USP39: variants seen among roughly 807,000 people sequenced by gnomAD.
USP39 encodes the protein ubiquitin carboxyl-terminal hydrolase 39.
USP39 carries 38 observed loss-of-function variants against 66.4 expected under a neutral mutation model. The observed-to-expected ratio is 0.57, with a 90% CI of 0.44 to 0.75. USP39 has a LOEUF of 0.75. USP39 is among the 30% of genes least tolerant of loss of function. The probability of loss-of-function intolerance (pLI) is 0.00; values close to 1 mark genes in which losing one functional copy is unlikely to be tolerated. For synonymous variants in USP39, 303 were observed against 274.6 expected (o/e 1.10, Z -1.02); for missense variants, 608 against 714.4 (o/e 0.85, Z 1.70).
At chr2:85,613,443 C>T (rs1055306748), upstream of USP39, among the ~76,000 whole-genome samples, 8 of 152,012 alleles carry the variant, frequency 5.3e-5, no homozygotes, top group East Asian at 1.9e-4. Context: ...ACCCGGGAGG[C>T]GGAGGTTGCA....
At chr2:85,604,333 C>G (rs976702470) in intron 1 of USP39, among the ~76,000 whole-genome samples, 1 of 152,200 alleles carries the variant, frequency 6.6e-6, no homozygotes, top group South Asian at 2.1e-4. Flanking sequence ...CCTCAGCCTC[C>G]CGAGTAGCTG....
At chr2:85,637,487 C>T (rs757434145) in intron 8 of USP39, 51 bp downstream of exon 8, 5 of 1,584,764 alleles carry the variant, frequency 3.2e-6, no homozygotes, top group South Asian at 2.2e-5. Flanking sequence ...CTTGAGGGGA[C>T]GTAGGGGAGA....
intron 1 of USP39, among the ~76,000 whole-genome samples, chr2:85,617,567 G>T (rs534354100): frequency 6.6e-6 from 1 of 152,270 alleles, no homozygotes; most frequent in Non-Finnish European, 1.5e-5. Context: ...AGGGTGTGGT[G>T]GCTCACACCT....
intron 5 of USP39, among the ~76,000 whole-genome samples, chr2:85,626,446 A>G (rs1674869471): frequency 6.6e-6 from 1 of 152,196 alleles, no homozygotes; most frequent in African/African-American, 2.4e-5. Context: ...TACTTGAGTA[A>G]TTGTTCTGCA....
rs1193820501 is a variant in USP39, at chr2:85,619,217, C to T, written c.269-3C>T. 5 of 1,613,804 alleles carry T rather than the reference C, an allele frequency of 3.1e-6. No homozygotes were observed. Among genetic ancestry groups the T allele is most frequent in the Non-Finnish European group, 4.2e-6 (5 of 1,179,942 alleles). ...TCAAAGCCTGTGATGATTTTCCTTT[C>T]AGCAAAGAATGGCCGAGTGGATTCT... On this transcript the variant is annotated splice_region_variant and splice_polypyrimidine_tract_variant and intron_variant, in intron 1 of 12. Transcript: ENST00000323701.
intron 1 of USP39, among the ~76,000 whole-genome samples, chr2:85,604,797 A>G (rs377490290): frequency 1.2e-4 from 18 of 152,302 alleles, no homozygotes; most frequent in African/African-American, 2.2e-4. Flanking sequence ...TCTTAACACT[A>G]TATCTTCTTG....
chr2:85,626,422 C>T (rs1674866992), intron 5 of USP39, among the ~76,000 whole-genome samples: 1 of 152,198 alleles, frequency 6.6e-6, no homozygotes. Flanking sequence ...GACACCAAGT[C>T]TTGCTAAGGA....
intron 1 of USP39, chr2:85,603,309 ATCAG>A: frequency 6.6e-6 from 1 of 152,380 alleles, no homozygotes; most frequent in African/African-American, 2.4e-5. Context: ...CTAGCCAGAA[ATCAG>A]TGTCCAAGAC....
chr2:85,616,220 T>G lies in USP39; in HGVS notation c.25T>G (p.Ser9Ala). 4.8e-6 allele frequency: 7 copies of G among 1,453,584 alleles called. No homozygotes were observed. Among genetic ancestry groups the G allele is most frequent in the Admixed American group, 2.4e-5 (1 of 40,984 alleles). The allele number at this position is 1,453,584 out of a possible 1,614,324, so 90.0% of individuals were successfully genotyped here. A position where few individuals can be genotyped will look rare whatever the true frequency, so the allele number is the denominator to read the frequency against. Reference sequence around the variant, plus strand: ...GATGTCCGGCCGGTCTAAGCGGGAGTCTCGCGGTTCCACTCGCGGGAAGCG... The same window carrying G: ...GATGTCCGGCCGGTCTAAGCGGGAGGCTCGCGGTTCCACTCGCGGGAAGCG... Reference protein sequence around the residue: MSGRSKRESRGSTRGKRES... With the variant: MSGRSKREARGSTRGKRES... The change falls in exon 1 of 13, where the codon TCT becomes GCT. Residue 9 changes from serine to alanine, a missense_variant. Physicochemically the swap from Ser to Ala is moderately conservative, Grantham distance 99. Around this residue, in one of 6 missense-constraint regions of USP39, gnomAD observed 207 missense variants for 145.7 expected, o/e 1.42. Coordinates refer to ENST00000323701, the MANE Select transcript of USP39 (RefSeq NM_006590.4).
intron 6 of USP39, among the ~76,000 whole-genome samples, chr2:85,631,709 CATT>C (rs2104300426): frequency 6.6e-6 from 1 of 152,118 alleles, no homozygotes; most frequent in East Asian, 1.9e-4. Flanking sequence ...TCGTGTCCCA[CATT>C]AGGGTATTCT....
chr2:85,639,456 T>TTC lies in USP39; in HGVS notation c.1284+66_1284+67insCT, dbSNP rs1305793427. 2.5e-5 allele frequency: 22 copies of TTC among 886,658 alleles called. No homozygotes were observed. In the African/African-American group the frequency reaches 3.7e-4, roughly 15 times the overall value. 54.9% of individuals were successfully genotyped at this position (886,658 alleles called of 1,614,324 possible). The stretch of plus-strand genomic sequence containing the variant: ...CGCTCTCTCGACTTTTTCATTTTCT[T>TTC]TTTTTTTTTTTTTTCAAGACAGAGT... On this transcript the variant is annotated intron_variant, in intron 9 of 12. Transcript: ENST00000323701.
upstream of USP39, among the ~76,000 whole-genome samples, chr2:85,613,193 T>A (rs1673686485): frequency 6.6e-6 from 1 of 151,550 alleles, no homozygotes; most frequent in Admixed American, 6.6e-5. Flanking sequence ...ACATCGTCTC[T>A]ACAAGAAAAA....
chr2:85,648,195 G>T (rs1230815562), intron 12 of USP39, among the ~76,000 whole-genome samples, 179 bp downstream of exon 12: 1 of 152,190 alleles, frequency 6.6e-6, no homozygotes, highest in African/African-American at 2.4e-5. Flanking sequence ...GTCAAGCAGA[G>T]ATTTTCAGAA....
chr2:85,647,493 A>G (rs1241936649), intron 11 of USP39, among the ~76,000 whole-genome samples: 1 of 149,272 alleles, frequency 6.7e-6, no homozygotes, highest in Non-Finnish European at 1.5e-5. Flanking sequence ...GTGGGACCCC[A>G]TTGCTATTAA....
intron 1 of USP39, 97 bp from the exon 2 acceptor site, chr2:85,619,123 G>A: frequency 7.3e-7 from 1 of 1,372,698 alleles, no homozygotes. Context: ...AACTCATCTT[G>A]ATTAGTTTTT....
chr2:85,641,639 C>T (rs371192569), intron 10 of USP39, among the ~76,000 whole-genome samples: 3 of 152,246 alleles, frequency 2.0e-5, no homozygotes, highest in East Asian at 3.9e-4. Context: ...TGGTGGCTCA[C>T]GCCTGTAATC....
chr2:85,642,231 C>G (rs115847910), intron 10 of USP39, among the ~76,000 whole-genome samples: 2,023 of 152,244 alleles, frequency 0.013, 45 homozygotes, highest in African/African-American at 0.046. Flanking sequence ...ATTTCTTTTT[C>G]TCTTTTTCTA....
upstream of USP39, among the ~76,000 whole-genome samples, chr2:85,612,540 A>G (rs997328122): frequency 1.3e-5 from 2 of 152,230 alleles, no homozygotes; most frequent in Admixed American, 6.5e-5. Flanking sequence ...AGGCGCCGCG[A>G]AGGCTCTCCT....
chr2:85,612,817 C>T (rs1436920177), upstream of USP39, among the ~76,000 whole-genome samples: 1 of 152,130 alleles, frequency 6.6e-6, no homozygotes, highest in African/African-American at 2.4e-5. Flanking sequence ...CGTGCCACCA[C>T]GCCCGGCTAA....
Sources: allele counts gnomAD v4.1 joint callset (sites outside exome capture counted in the v4.1 genomes callset), GRCh38; gene constraint gnomAD v4.1.1; regional missense constraint gnomAD v4.1.1; transcripts MANE v1.5; gene names NCBI Gene and HGNC (gene_info 2026-07-23, HGNC 2026-07-21).